PEAR1: variants seen among roughly 807,000 people sequenced by gnomAD.
PEAR1 encodes the protein platelet endothelial aggregation receptor 1.
A neutral mutation model predicts 131.2 loss-of-function variants in PEAR1; 113 were observed. That is an observed-to-expected ratio of 0.86 (90% CI 0.74 to 1.01). The LOEUF (loss-of-function observed/expected upper bound fraction) is 1.01. PEAR1 is among the 50% of genes least tolerant of loss of function. The pLI, the probability that PEAR1 is intolerant of heterozygous loss-of-function variation, is 0.00. For missense variants in PEAR1, 1,408 were observed against 1,391.1 expected (o/e 1.01, Z -0.19); for synonymous variants, 565 against 523.3 (o/e 1.08, Z -1.09).
chr1:156,900,274 C>G (rs2102969725), intron 1 of PEAR1, among the ~76,000 whole-genome samples: 1 of 152,170 alleles, frequency 6.6e-6, no homozygotes, highest in South Asian at 2.1e-4. Flanking sequence ...GTAAACACAT[C>G]TCAGTTCCCA....
rs1481829162 is a variant in PEAR1, at chr1:156,908,099, C to T, written c.903-29C>T. 1.3e-6 allele frequency: 2 copies of T among 1,581,628 alleles called. No individual in the cohort carries two copies. Among genetic ancestry groups the T allele is most frequent in the Non-Finnish European group, 8.6e-7 (1 of 1,164,162 alleles). ...GAGACGGGAGGGAGGAGGTGGGGCG[C>T]CGCCAGGCTCACTCAGCTAGGTGCC... On this transcript the variant is annotated intron_variant, in intron 8 of 22. Coordinates refer to ENST00000292357, the MANE Select transcript of PEAR1 (RefSeq NM_001080471.3). The surrounding 1 kb of genome is among the most constrained non-coding windows in gnomAD (Gnocchi z 4.2).
chr1:156,900,398 C>T (rs1649568029), intron 1 of PEAR1, among the ~76,000 whole-genome samples: 1 of 152,002 alleles, frequency 6.6e-6, no homozygotes, highest in South Asian at 2.1e-4. Flanking sequence ...ATACAGAGCC[C>T]CTGGGCTTCC....
Position 156,909,889 on chromosome 1 carries a change from G to T in PEAR1, c.1550G>T (p.Gly517Val). The T allele has an allele frequency of 6.2e-7, 1 of 1,609,190 alleles. No homozygotes were observed. The highest frequency in any genetic ancestry group is 8.5e-7 in the Non-Finnish European group (1 of 1,176,402). ...TGTACCTGCACCCCTGGGTGGCATGGGGCCCACTGCCAGCTGCCCTGTCCG... is the reference window on the plus strand; with the variant it reads ...TGTACCTGCACCCCTGGGTGGCATGTGGCCCACTGCCAGCTGCCCTGTCCG... ...GACTCTPGWH[G>V]AHCQLPCPKG... The change falls in exon 12 of 23, where the codon GGG becomes GTG. Residue 517 changes from glycine (G) to valine (V), a missense_variant. Gly to Val is a moderately radical substitution (Grantham distance 109). Coordinates refer to ENST00000292357, the MANE Select transcript of PEAR1 (RefSeq NM_001080471.3).
chr1:156,910,334 C>T lies in PEAR1; in HGVS notation c.1779C>T (p.Gly593=). The T allele has an allele frequency of 6.2e-7, 1 of 1,612,200 alleles. No individual in the cohort carries two copies. Among genetic ancestry groups the T allele is most frequent in the East Asian group, 2.2e-5 (1 of 44,882 alleles). The change falls in exon 14 of 23, where the codon GGC becomes GGT. Residue 593 remains glycine, a synonymous_variant. Coordinates refer to ENST00000292357, the MANE Select transcript of PEAR1 (RefSeq NM_001080471.3). ...KNGGTCLPEN[G]NCVCAPGFRG... is the part of the protein sequence containing the mutation. ...GGGGCACCTGTCTCCCTGAGAATGG[C>T]AACTGCGTGTGTGCACCCGGATTCC...
chr1:156,913,125 G>A, intron 18 of PEAR1, 69 bp from the exon 19 acceptor site: 33 of 1,566,902 alleles, frequency 2.1e-5, no homozygotes, highest in Non-Finnish European at 2.6e-5. Context: ...CTGATCTCCG[G>A]GGACAAAACA....
chr1:156,896,233 A>C (rs1649148870), intron 1 of PEAR1, among the ~76,000 whole-genome samples: 1 of 152,188 alleles, frequency 6.6e-6, no homozygotes, highest in African/African-American at 2.4e-5. Flanking sequence ...AATAGCACTT[A>C]CTTTATAGGC....
chr1:156,905,022 G>A, intron 3 of PEAR1, 170 bp downstream of exon 3: 1 of 1,541,922 alleles, frequency 6.5e-7, no homozygotes. Context: ...GGATGTATAT[G>A]TGAATGCGTG....
intron 2 of PEAR1, 36 bp downstream of exon 2, chr1:156,904,063 G>C (rs745577728): frequency 1.4e-5 from 21 of 1,553,612 alleles, no homozygotes; most frequent in Non-Finnish European, 1.8e-5. Flanking sequence ...AGGGCACCAA[G>C]CCCTAGCTCC....
chr1:156,904,741 C>G lies in PEAR1; in HGVS notation c.102-7C>G, dbSNP rs927116870. 6.2e-7 allele frequency: 1 copy of G among 1,608,162 alleles called. No individual in the cohort carries two copies. The highest frequency in any genetic ancestry group is 2.2e-5 in the East Asian group (1 of 44,866). On this transcript the variant is annotated splice_region_variant and splice_polypyrimidine_tract_variant and intron_variant, in intron 2 of 22. Coordinates refer to ENST00000292357, the MANE Select transcript of PEAR1 (RefSeq NM_001080471.3). The stretch of plus-strand genomic sequence containing the variant: ...CCTCGGCCCTGACCCTGTTCCCTGT[C>G]TTGCAGCTTCACTACCACCACCAAG...
chr1:156,916,232 G>T lies in PEAR1; in HGVS notation c.*1434G>T, dbSNP rs942391328. ...AACACTGCTTTAAGCAAATCTGTTG[G>T]CACCATTTTTCCAATAGCATGTGCC... is the stretch of plus-strand genomic sequence containing the variant. On this transcript the variant is annotated 3_prime_UTR_variant, in exon 23 of 23. Coordinates refer to ENST00000292357, the MANE Select transcript of PEAR1 (RefSeq NM_001080471.3). 1.3e-5 allele frequency: 2 copies of T among 152,150 alleles called. No homozygotes were observed. Among genetic ancestry groups the T allele is most frequent in the Non-Finnish European group, 2.9e-5 (2 of 68,036 alleles). 9.4% of individuals were successfully genotyped at this position (152,150 alleles called of 1,614,324 possible).
In PEAR1 at chr1:156,912,594, A is replaced by G. The variant is rs1420090771; in HGVS notation, c.2181A>G (p.Pro727=). 4.3e-6 allele frequency: 7 copies of G among 1,613,842 alleles called. No homozygotes were observed. The South Asian group carries it at 7.7e-5, about 18-fold the overall frequency. Residue 727 remains proline, a synonymous_variant, in exon 17 of 23, where the codon CCA becomes CCG. Transcript: ENST00000292357. The part of the protein sequence containing the change: ...HPETGACVCP[P]GHSGAPCRIG... ...AGACTGGGGCCTGTGTATGTCCCCC[A>G]GGGCACAGTGGTGCACCTTGCAGGA...
intron 2 of PEAR1, 34 bp downstream of exon 2, chr1:156,904,061 A>G (rs1262231907): frequency 6.5e-7 from 1 of 1,547,242 alleles, no homozygotes; most frequent in Non-Finnish European, 8.9e-7. Context: ...TGAGGGCACC[A>G]AGCCCTAGCT....
rs760024671 is a variant in PEAR1, at chr1:156,910,255, G to T, written c.1700G>T (p.Cys567Phe). The change falls in exon 14 of 23, where the codon TGC becomes TTC. Residue 567 changes from cysteine to phenylalanine, a missense_variant. Coordinates refer to ENST00000292357, the MANE Select transcript of PEAR1 (RefSeq NM_001080471.3). ...ACAGGTGCCCGCTGCCACCTGTCCTGCCCTGAGGGCTTATGGGGAGTCAAC... is the reference window on the plus strand; with the variant it reads ...ACAGGTGCCCGCTGCCACCTGTCCTTCCCTGAGGGCTTATGGGGAGTCAAC... ...GWMGARCHLS[C>F]PEGLWGVNCS... The T allele has an allele frequency of 8.1e-6, 13 of 1,612,656 alleles. No homozygotes were observed. In the African/African-American group the frequency reaches 1.2e-4, roughly 15 times the overall value.
In PEAR1 at chr1:156,907,739, G is replaced by T; in HGVS notation, c.765+9G>T. On this transcript the variant is annotated intron_variant, in intron 7 of 22. Transcript: ENST00000292357. Reference sequence around the variant, plus strand: ...GCCCCCCTGGCTGGATGGTATGGAGGGTGGGGCCTGTGGGCATGGGGTGTG... The same window carrying T: ...GCCCCCCTGGCTGGATGGTATGGAGTGTGGGGCCTGTGGGCATGGGGTGTG... 1 of 1,603,686 alleles carries T rather than the reference G, an allele frequency of 6.2e-7. No homozygotes were observed. Among genetic ancestry groups the T allele is most frequent in the Non-Finnish European group, 8.5e-7 (1 of 1,174,334 alleles).
Position 156,906,853 on chromosome 1 carries a change from T to C in PEAR1, c.617T>C (p.Phe206Ser). ...TGCGATCCCCAGACTGGAGCCTGCTTCTGCCCCGCAGAGAGAACTGGGCCC... is the reference window on the plus strand; with the variant it reads ...TGCGATCCCCAGACTGGAGCCTGCTCCTGCCCCGCAGAGAGAACTGGGCCC... ...APCDPQTGACFCPAERTGPSC... is the reference protein window; with the variant it reads ...APCDPQTGACSCPAERTGPSC... Residue 206 changes from phenylalanine to serine, a missense_variant, in exon 6 of 23, where the codon TTC becomes TCC. Physicochemically the swap from Phe to Ser is radical, Grantham distance 155. Coordinates refer to ENST00000292357, the MANE Select transcript of PEAR1 (RefSeq NM_001080471.3). 1 of 1,614,104 alleles carries C rather than the reference T, an allele frequency of 6.2e-7. No homozygotes were observed. Among genetic ancestry groups the C allele is most frequent in the African/African-American group, 1.3e-5 (1 of 75,062 alleles).
Position 156,900,666 on chromosome 1 carries a change from A to T in PEAR1, c.-9-3252A>T, listed in dbSNP as rs905704720. Among the ~76,000 whole-genome samples, 3 of 152,094 alleles carry T rather than the reference A, an allele frequency of 2.0e-5. No homozygotes were observed. In the South Asian group the frequency reaches 6.2e-4, roughly 32 times the overall value. Reference sequence around the variant, plus strand: ...GAACGATACGTGGGGTCACCTTATGATTCTCGGGAGGGAAGGTGTTTGAGT... The same window carrying T: ...GAACGATACGTGGGGTCACCTTATGTTTCTCGGGAGGGAAGGTGTTTGAGT... On this transcript the variant is annotated intron_variant, in intron 1 of 22. Coordinates refer to ENST00000292357, the MANE Select transcript of PEAR1 (RefSeq NM_001080471.3).
chr1:156,912,286 C>T lies in PEAR1; in HGVS notation c.1991C>T (p.Thr664Ile), dbSNP rs1651296812. 4 of 1,613,966 alleles carry T rather than the reference C, an allele frequency of 2.5e-6. No homozygotes were observed. Among genetic ancestry groups the T allele is most frequent in the Non-Finnish European group, 2.5e-6 (3 of 1,179,988 alleles). Residue 664 changes from threonine (T) to isoleucine (I), a missense_variant, in exon 16 of 23, where the codon ACC becomes ATC. Physicochemically the swap from Thr to Ile is moderately conservative, Grantham distance 89 (BLOSUM62 -1). Coordinates refer to ENST00000292357, the MANE Select transcript of PEAR1 (RefSeq NM_001080471.3). ...PGHWGENCAQ[T>I]CQCHHGGTCH... ...CACTGGGGAGAAAACTGTGCCCAGA[C>T]CTGCCAATGTCACCATGGTGGGACC... is the stretch of plus-strand genomic sequence containing the variant.
rs1272665689 is a variant in PEAR1, at chr1:156,912,311, C to T, written c.2016C>T (p.Thr672=). 6.2e-7 allele frequency: 1 copy of T among 1,614,084 alleles called. No individual in the cohort carries two copies. Among genetic ancestry groups the T allele is most frequent in the Admixed American group, 1.7e-5 (1 of 60,018 alleles). Residue 672 remains threonine (T), a synonymous_variant, in exon 16 of 23, where the codon ACC becomes ACT. Transcript: ENST00000292357. ...CCTGCCAATGTCACCATGGTGGGAC[C>T]TGCCATCCCCAGGATGGGAGCTGTA... is the stretch of plus-strand genomic sequence containing the variant. ...AQTCQCHHGG[T]CHPQDGSCIC...
chr1:156,911,097 T>TCCTTC (rs1553269281), intron 15 of PEAR1, among the ~76,000 whole-genome samples: 3 of 101,742 alleles, frequency 2.9e-5, no homozygotes, highest in African/African-American at 1.5e-4. Flanking sequence ...TTCTTTCCTT[T>TCCTTC]CTTTCTTTCT....
Sources: gnomAD v4.1 joint callset for allele counts (sites outside exome capture counted in the v4.1 genomes callset) on GRCh38, gnomAD v4.1.1 for gene constraint, Gnocchi (gnomAD v3.1) non-coding constraint, MANE v1.5 for transcripts, NCBI Gene and HGNC (gene_info 2026-07-23, HGNC 2026-07-21) for gene names.